PRICKLE2: variants seen among roughly 807,000 people sequenced by gnomAD.
The protein encoded by PRICKLE2 is prickle planar cell polarity protein 2.
PRICKLE2 carries 21 observed loss-of-function variants against 81.4 expected under a neutral mutation model. That is an observed-to-expected ratio of 0.26 (90% confidence interval 0.18 to 0.37). PRICKLE2 has a LOEUF of 0.37. PRICKLE2 is among the 10% of genes least tolerant of loss of function. The probability of loss-of-function intolerance (pLI) is 1.00; values close to 1 mark genes in which losing one functional copy is unlikely to be tolerated. For synonymous variants in PRICKLE2, 456 were observed against 421.5 expected (o/e 1.08, Z -1.00); for missense variants, 940 against 1,109.0 (o/e 0.85, Z 2.16).
At chr3:64,204,930 C>T (rs537069220) in intron 1 of PRICKLE2, among the ~76,000 whole-genome samples, 3 of 152,114 alleles carry the variant, frequency 2.0e-5, no homozygotes, top group African/African-American at 4.8e-5. Context: ...CATCTCTCCC[C>T]CTTTGGCAAA....
intron 2 of PRICKLE2, among the ~76,000 whole-genome samples, chr3:64,164,646 A>G (rs2077795506): frequency 6.6e-6 from 1 of 152,218 alleles, no homozygotes; most frequent in African/African-American, 2.4e-5. Flanking sequence ...ATCAAATCCC[A>G]GAGGCAACTA....
At chr3:64,159,861 G>C in intron 4 of PRICKLE2, 79 bp downstream of exon 4, 1 of 1,582,590 alleles carries the variant, frequency 6.3e-7, no homozygotes, top group Non-Finnish European at 8.7e-7. Flanking sequence ...TAGGCACTCA[G>C]TAAAACAATT....
intron 2 of PRICKLE2, among the ~76,000 whole-genome samples, chr3:64,235,184 A>C (rs2079162473): frequency 6.6e-6 from 1 of 152,050 alleles, no homozygotes; most frequent in Non-Finnish European, 1.5e-5. Context: ...TTTTCATTCC[A>C]GTTATTATAC....
chr3:64,176,407 T>C (rs1187573203), intron 2 of PRICKLE2, among the ~76,000 whole-genome samples: 1 of 152,230 alleles, frequency 6.6e-6, no homozygotes, highest in East Asian at 1.9e-4. Context: ...GCACTTCACA[T>C]ATGACATAAT....
chr3:64,142,812 A>G (rs915351393), intron 7 of PRICKLE2, among the ~76,000 whole-genome samples: 3 of 152,212 alleles, frequency 2.0e-5, no homozygotes, highest in African/African-American at 7.2e-5. Flanking sequence ...CGCAATTATC[A>G]TTTAACCCTC....
chr3:64,239,027 G>A (rs2079222614), intron 2 of PRICKLE2, among the ~76,000 whole-genome samples: 1 of 152,152 alleles, frequency 6.6e-6, no homozygotes, highest in Admixed American at 6.5e-5. Context: ...GCAAGCAGGA[G>A]CCCTGCTGGT....
chr3:64,173,579 G>A (rs1223740894), intron 2 of PRICKLE2, among the ~76,000 whole-genome samples: 1 of 152,154 alleles, frequency 6.6e-6, no homozygotes, highest in Non-Finnish European at 1.5e-5. Context: ...AAGGCAGTAT[G>A]AGGCCGGCTC....
chr3:64,206,406 C>T (rs1354726230), intron 1 of PRICKLE2, among the ~76,000 whole-genome samples: 2 of 152,188 alleles, frequency 1.3e-5, no homozygotes, highest in African/African-American at 4.8e-5. Context: ...TTCAAACTGT[C>T]CCAAAGAATC....
In PRICKLE2 at chr3:64,099,619, C is replaced by A. The variant is rs1360168777; in HGVS notation, c.1967G>T (p.Gly656Val). 3.7e-6 allele frequency: 6 copies of A among 1,614,044 alleles called. No homozygotes were observed. Among genetic ancestry groups the A allele is most frequent in the Non-Finnish European group, 3.4e-6 (4 of 1,180,034 alleles). The part of the protein sequence containing the change: ...DGGMAGSKLP[G>V]QEGVRIQPMS... ...GGGCTGGATCCTCACGCCCTCCTGC[C>A]CTGGCAGCTTGCTGCCCGCCATCCC... Residue 656 changes from glycine (G) to valine (V), a missense_variant, in exon 8 of 8, where the codon GGG (glycine) becomes GTG (valine). This residue lies in a region of PRICKLE2 where 670 missense variants were observed against 717.2 expected (regional missense o/e 0.93). Transcript: ENST00000638394. The surrounding 1 kb of genome is among the most constrained non-coding windows in gnomAD (Gnocchi z 4.3).
At chr3:64,131,060 G>A (rs1461255841) in intron 7 of PRICKLE2, among the ~76,000 whole-genome samples, 1 of 152,206 alleles carries the variant, frequency 6.6e-6, no homozygotes, top group Non-Finnish European at 1.5e-5. Flanking sequence ...GTTAACCAGA[G>A]CAAAGCTGAG....
At position 64,175,323 on chromosome 3, in the gene PRICKLE2, A is replaced by C. The variant is rs535563646; in HGVS notation, c.145-12194T>G. Among the ~76,000 whole-genome samples, 5 of 152,310 alleles carry C rather than the reference A, an allele frequency of 3.3e-5. No homozygotes were observed. The East Asian group carries it at 9.6e-4, about 29-fold the overall frequency. On this transcript the variant is annotated intron_variant, in intron 2 of 7. Coordinates refer to ENST00000638394, the MANE Select transcript of PRICKLE2 (RefSeq NM_198859.4). ...TTGTAATACTGGCTAAGGTTTTTTT[A>C]AACATGGTTAGTTGCTAGTGTAAGG...
rs1188622976 is a variant in PRICKLE2, at chr3:64,096,619, A to G, written c.*2432T>C. The G allele has an allele frequency of 6.6e-6, 1 of 152,168 alleles. No homozygotes were observed. 9.4% of individuals were successfully genotyped at this position (152,168 alleles called of 1,614,324 possible). ...TACCCTGAAGCTTGTATGTCATTTCATCTCAAGCTCTGAGCAGTTCAGTGC... is the reference window on the plus strand; with the variant it reads ...TACCCTGAAGCTTGTATGTCATTTCGTCTCAAGCTCTGAGCAGTTCAGTGC... On this transcript the variant is annotated 3_prime_UTR_variant, in exon 8 of 8. Coordinates refer to ENST00000638394, the MANE Select transcript of PRICKLE2 (RefSeq NM_198859.4).
chr3:64,203,821 A>AAT (rs1481097882), intron 1 of PRICKLE2, among the ~76,000 whole-genome samples: 1 of 151,734 alleles, frequency 6.6e-6, no homozygotes, highest in African/African-American at 2.4e-5. Flanking sequence ...TACAAAAAAA[A>AAT]AAAAACATCA....
At chr3:64,126,821 C>T (rs935906432) in intron 7 of PRICKLE2, among the ~76,000 whole-genome samples, 7 of 152,062 alleles carry the variant, frequency 4.6e-5, no homozygotes, top group African/African-American at 7.2e-5. Flanking sequence ...TGTGATCTGC[C>T]CGCCTCGGCC....
chr3:64,105,885 A>G (rs2076746096), intron 7 of PRICKLE2: 1 of 152,232 alleles, frequency 6.6e-6, no homozygotes, highest in South Asian at 2.1e-4. Flanking sequence ...AGATGGGCAT[A>G]ATGACAGGAA....
chr3:64,198,763 T>C lies in PRICKLE2; in HGVS notation c.144+21A>G, dbSNP rs917012091. 2.5e-6 allele frequency: 4 copies of C among 1,613,478 alleles called. No homozygotes were observed. In the South Asian group the frequency reaches 4.4e-5, roughly 18 times the overall value. ...AAGTGAAACACCCAAACCACCAGCA[T>C]GCTCCCATCCAGAATGGTACCTGTT... On this transcript the variant is annotated intron_variant, in intron 2 of 7. Transcript: ENST00000638394.
intron 1 of PRICKLE2, among the ~76,000 whole-genome samples, chr3:64,204,077 C>G (rs533102299): frequency 6.6e-6 from 1 of 152,154 alleles, no homozygotes; most frequent in Non-Finnish European, 1.5e-5. Context: ...GTACCAAGGC[C>G]TGCTCTAGGT....
At position 64,147,462 on chromosome 3, in the gene PRICKLE2, T is replaced by C; in HGVS notation, c.1028A>G (p.Asn343Ser). ...CATGGGCTCCTCCGTCTTGCCCTTG[T>C]TCTTGCCAATTTTGGCACTGCGCCG... ...ESRRSAKIGK[N>S]KGKTEEPMLN... The change falls in exon 7 of 8, where the codon AAC becomes AGC. Residue 343 changes from asparagine to serine, a missense_variant. Transcript: ENST00000638394. This position sits in a 1 kb window ranked among gnomAD's most constrained non-coding sequence, Gnocchi z 5.0. 1 of 1,614,236 alleles carries C rather than the reference T, an allele frequency of 6.2e-7. No individual in the cohort carries two copies. The highest frequency in any genetic ancestry group is 1.1e-5 in the South Asian group (1 of 91,092).
chr3:64,121,282 G>T (rs1365643707), intron 7 of PRICKLE2, among the ~76,000 whole-genome samples: 2 of 152,200 alleles, frequency 1.3e-5, no homozygotes, highest in African/African-American at 2.4e-5. Context: ...TTAGGTTTGG[G>T]AATTTCTACG....
Sources: allele counts gnomAD v4.1 joint callset (sites outside exome capture counted in the v4.1 genomes callset), GRCh38; gene constraint gnomAD v4.1.1; regional missense constraint gnomAD v4.1.1; non-coding constraint Gnocchi (gnomAD v3.1); transcripts MANE v1.5; gene names NCBI Gene and HGNC (gene_info 2026-07-23, HGNC 2026-07-21).